CNTNAP2: variants seen among roughly 807,000 people sequenced by gnomAD.
CNTNAP2 encodes contactin associated protein 2.
Under a neutral mutation model 155.2 loss-of-function variants are expected in CNTNAP2, and 98 were observed. The ratio of observed to expected loss-of-function variants is 0.63; its 90% CI spans 0.54 to 0.75. The LOEUF is 0.75. Ranked by LOEUF, CNTNAP2 falls within the 30% of genes least tolerant of loss-of-function variation. The pLI is 0.00. For missense variants in CNTNAP2, 1,727 were observed against 1,688.1 expected, an observed-to-expected ratio of 1.02 and a Z score of -0.40; for synonymous variants, 651 against 631.2, an observed-to-expected ratio of 1.03 and a Z score of -0.47.
At chr7:147,726,357 A>G (rs1478089716) in intron 13 of CNTNAP2, among the ~76,000 whole-genome samples, 1 of 152,040 alleles carries the variant, frequency 6.6e-6, no homozygotes, top group African/African-American at 2.4e-5. Flanking sequence ...TGAACCCAGG[A>G]CTGGCCACTT....
chr7:146,954,219 G>T (rs936586470), intron 3 of CNTNAP2, among the ~76,000 whole-genome samples: 3 of 151,892 alleles, frequency 2.0e-5, no homozygotes, highest in Admixed American at 6.6e-5. Flanking sequence ...TAATAAAATG[G>T]TATTAAGGGT....
chr7:146,668,716 T>C (rs1464743405), intron 1 of CNTNAP2, among the ~76,000 whole-genome samples: 1 of 152,112 alleles, frequency 6.6e-6, no homozygotes, highest in East Asian at 1.9e-4. Context: ...TTCTTCCTGG[T>C]CCAATCTTGG....
chr7:147,428,914 TTCTC>T (rs1240647110), intron 10 of CNTNAP2, among the ~76,000 whole-genome samples: 2 of 151,876 alleles, frequency 1.3e-5, no homozygotes, highest in Non-Finnish European at 2.9e-5. Flanking sequence ...GTGTAGTTTT[TTCTC>T]TCTCATCCCC....
intron 21 of CNTNAP2, 103 bp from the exon 22 acceptor site, chr7:148,383,545 GA>G: frequency 6.6e-7 from 1 of 1,525,526 alleles, no homozygotes; most frequent in Non-Finnish European, 9.1e-7. Flanking sequence ...ATCTTAAACT[GA>G]AACCTAAATG....
intron 8 of CNTNAP2, among the ~76,000 whole-genome samples, chr7:147,275,537 G>GA (rs1228414002): frequency 6.6e-6 from 1 of 152,014 alleles, no homozygotes; most frequent in African/African-American, 2.4e-5. Flanking sequence ...TTTGTATCCT[G>GA]AAACCTTACT....
At chr7:147,231,646 T>C (rs999479834) in intron 8 of CNTNAP2, among the ~76,000 whole-genome samples, 4 of 152,184 alleles carry the variant, frequency 2.6e-5, no homozygotes, top group Non-Finnish European at 5.9e-5. Context: ...AGGTGATACC[T>C]CATTATGGTT....
intron 1 of CNTNAP2, among the ~76,000 whole-genome samples, chr7:146,284,458 T>C (rs1185157215): frequency 6.6e-6 from 1 of 152,134 alleles, no homozygotes; most frequent in Non-Finnish European, 1.5e-5. Flanking sequence ...TTTTGAAAGA[T>C]TACAACTTGT....
At chr7:147,262,595 G>A (rs1196897157) in intron 8 of CNTNAP2, among the ~76,000 whole-genome samples, 1 of 152,120 alleles carries the variant, frequency 6.6e-6, no homozygotes. Flanking sequence ...ACGGGTTCAG[G>A]AGATCGAGAC....
chr7:146,895,409 T>G (rs1157455863), intron 3 of CNTNAP2, among the ~76,000 whole-genome samples: 1 of 151,942 alleles, frequency 6.6e-6, no homozygotes, highest in African/African-American at 2.4e-5. Context: ...AAACTAAATT[T>G]AATCATGAAA....
intron 1 of CNTNAP2, among the ~76,000 whole-genome samples, chr7:146,428,200 G>A (rs1057339724): frequency 8.5e-5 from 13 of 152,080 alleles, no homozygotes; most frequent in African/African-American, 2.9e-4. Flanking sequence ...GTGCTGCAAT[G>A]AACATACACA....
In CNTNAP2 at chr7:148,217,600, G is replaced by A. The variant is rs1795667847; in HGVS notation, c.3247+76G>A. ...ATGTTCTAGCAAGAGTCTATAGATT[G>A]TTCTTGGTTTGTTATTTATTCCCCA... On this transcript the variant is annotated intron_variant, in intron 19 of 23. Coordinates refer to ENST00000361727, the MANE Select transcript of CNTNAP2 (RefSeq NM_014141.6). 3 of 1,496,638 alleles carry A rather than the reference G, an allele frequency of 2.0e-6. No homozygotes were observed. The East Asian group carries it at 6.8e-5, about 34-fold the overall frequency. The allele number at this position is 1,496,638 out of a possible 1,614,324, so 92.7% of individuals were successfully genotyped here. A position where few individuals can be genotyped will look rare whatever the true frequency, so the allele number is the denominator to read the frequency against.
chr7:147,824,363 C>T (rs975839404), intron 13 of CNTNAP2, among the ~76,000 whole-genome samples: 3 of 152,112 alleles, frequency 2.0e-5, no homozygotes, highest in Admixed American at 6.6e-5. Context: ...ATGACGAAGT[C>T]TTGAGAAGCT....
chr7:148,191,124 T>G (rs1360714604), intron 18 of CNTNAP2, among the ~76,000 whole-genome samples: 1 of 152,104 alleles, frequency 6.6e-6, no homozygotes, highest in African/African-American at 2.4e-5. Context: ...AATGCAGAAG[T>G]GTTGGGAGGT....
chr7:148,399,767 T>C (rs1199466178), intron 22 of CNTNAP2, among the ~76,000 whole-genome samples: 1 of 152,226 alleles, frequency 6.6e-6, no homozygotes, highest in East Asian at 1.9e-4. Context: ...TGGGGCATTC[T>C]GGCAGGCAAA....
chr7:147,091,888 G>C (rs1800414801), intron 4 of CNTNAP2, among the ~76,000 whole-genome samples: 1 of 152,210 alleles, frequency 6.6e-6, no homozygotes, highest in African/African-American at 2.4e-5. Flanking sequence ...TTACAGGCGT[G>C]AGCCACCGCG....
At chr7:146,295,853 C>T (rs10243984) in intron 1 of CNTNAP2, among the ~76,000 whole-genome samples, 10,329 of 144,854 alleles carry the variant, frequency 0.071, 1,039 homozygotes, top group African/African-American at 0.23. Flanking sequence ...CCAGCCTGGG[C>T]GACAGAGTGA....
chr7:146,141,233 T>C (rs1476907802), intron 1 of CNTNAP2, among the ~76,000 whole-genome samples: 7 of 152,220 alleles, frequency 4.6e-5, no homozygotes, highest in Admixed American at 3.9e-4. Flanking sequence ...CGTTGTTATA[T>C]TGAAGGTGAT....
intron 3 of CNTNAP2, among the ~76,000 whole-genome samples, chr7:147,025,217 C>T (rs529483384): frequency 2.8e-5 from 4 of 141,012 alleles, no homozygotes; most frequent in African/African-American, 8.1e-5. Flanking sequence ...ACCCGGGAAG[C>T]GGATGTTTCA....
At chr7:147,219,189 G>A (rs1803339993) in intron 8 of CNTNAP2, among the ~76,000 whole-genome samples, 1 of 152,006 alleles carries the variant, frequency 6.6e-6, no homozygotes, top group African/African-American at 2.4e-5. Flanking sequence ...TATTAGTCAG[G>A]GTTCTTTAAA....
Sources: allele counts gnomAD v4.1 joint callset (sites outside exome capture counted in the v4.1 genomes callset), GRCh38; gene constraint gnomAD v4.1.1; transcripts MANE v1.5; gene names NCBI Gene and HGNC (gene_info 2026-07-23, HGNC 2026-07-21).